The following SMAD2 variants were observed in gnomAD, a reference collection of about 807,000 sequenced individuals.
SMAD2 encodes SMAD family member 2.
Under a neutral mutation model 64.4 loss-of-function variants are expected in SMAD2, and 8 were observed. The observed-to-expected ratio is 0.12, with a 90% CI of 0.07 to 0.22. The LOEUF (loss-of-function observed/expected upper bound fraction) is 0.22, where lower values mean the gene tolerates loss of function less well. Among genes scored for constraint, SMAD2 ranks in the 10% least tolerant of loss-of-function variants. The pLI is 1.00. For synonymous variants in SMAD2, 203 were observed against 195.8 expected (o/e 1.04, Z -0.31); for missense variants, 289 against 561.2 (o/e 0.51, Z 4.90).
Position 47,840,740 on chromosome 18 carries a change from CAGA to C in SMAD2, c.*1084_*1086del, listed in dbSNP as rs566418721. 4.5e-4 allele frequency: 103 copies of C among 231,370 alleles called. No individual in the cohort carries two copies. The highest frequency in any genetic ancestry group is 7.4e-4 in the Non-Finnish European group (86 of 116,934). The allele number at this position is 231,370 out of a possible 1,614,324, so 14.3% of individuals were successfully genotyped here. ...AAACCAAATCAAACTACTCGAAGAG[CAGA>C]AGGTCTGCTGTTGAAATATTGTAAA... On this transcript the variant is annotated 3_prime_UTR_variant, in exon 11 of 11. Transcript: ENST00000262160.
chr18:47,908,863 G>A (rs937830390), intron 1 of SMAD2, among the ~76,000 whole-genome samples: 1 of 152,168 alleles, frequency 6.6e-6, no homozygotes, highest in Admixed American at 6.5e-5. Flanking sequence ...TTCACCATGT[G>A]TAGTGCAATA....
intron 2 of SMAD2, among the ~76,000 whole-genome samples, chr18:47,881,035 T>C (rs756356874): frequency 1.4e-4 from 21 of 152,190 alleles, no homozygotes; most frequent in Non-Finnish European, 2.9e-4. Context: ...TGGTTTTGTG[T>C]TGGAATTTTA....
At position 47,821,676 on chromosome 18, in the gene SMAD2, A is replaced by G. The variant is rs1025340678; in HGVS notation, c.*20151T>C. ...GCTTCCCATAAGTAAAGGCAGTCAC[A>G]CTGCAAGAGATTTTTCTTTACCATT... On this transcript the variant is annotated 3_prime_UTR_variant, in exon 11 of 11. Coordinates refer to ENST00000262160, the MANE Select transcript of SMAD2 (RefSeq NM_005901.6). 3.3e-5 allele frequency: 5 copies of G among 152,248 alleles called. No homozygotes were observed. Among genetic ancestry groups the G allele is most frequent in the African/African-American group, 1.2e-4 (5 of 41,472 alleles). The allele number at this position is 152,248 out of a possible 1,614,324, so 9.4% of individuals were successfully genotyped here. A position where few individuals can be genotyped will look rare whatever the true frequency, so the allele number is the denominator to read the frequency against.
At chr18:47,889,639 C>T (rs1358992070) in intron 2 of SMAD2, among the ~76,000 whole-genome samples, 1 of 151,982 alleles carries the variant, frequency 6.6e-6, no homozygotes, top group Non-Finnish European at 1.5e-5. Flanking sequence ...GGCATGGTGG[C>T]AGGCGCCTGT....
intron 1 of SMAD2, chr18:47,920,122 C>T (rs747445042): frequency 2.0e-5 from 3 of 152,116 alleles, no homozygotes; most frequent in Non-Finnish European, 4.4e-5. Context: ...GGTTAGGTTC[C>T]AAGTAAGGCC....
At chr18:47,864,214 C>T (rs2031393956) in intron 6 of SMAD2, among the ~76,000 whole-genome samples, 1 of 152,092 alleles carries the variant, frequency 6.6e-6, no homozygotes, top group Non-Finnish European at 1.5e-5. Context: ...TCTGGTACTC[C>T]TAAACACCCA....
rs139116989 is a variant in SMAD2, at chr18:47,879,689, G to A, written c.237-9125C>T. Among the ~76,000 whole-genome samples the A allele has an allele frequency of 4.5e-3, 682 of 151,808 alleles. 5 individuals carry two copies. The highest frequency in any genetic ancestry group is 0.016 in the African/African-American group (651 of 41,410). On this transcript the variant is annotated intron_variant, in intron 2 of 10. Transcript: ENST00000262160. The stretch of plus-strand genomic sequence containing the variant: ...TAGAAATATGATTTCTTTTTTTCTC[G>A]GGTAAACACCTAGAAGTGAAAATCT...
intron 6 of SMAD2, among the ~76,000 whole-genome samples, chr18:47,858,791 A>G (rs537954406): frequency 6.6e-6 from 1 of 152,324 alleles, no homozygotes; most frequent in Admixed American, 6.5e-5. Flanking sequence ...GTAAAAGGCC[A>G]AGAGAGTAAA....
rs1255007587 is a variant in SMAD2 at position 47,817,118 on chromosome 18, G to A, written c.*24709C>T. 1 of 152,172 alleles carries A rather than the reference G, an allele frequency of 6.6e-6. No homozygotes were observed. Among genetic ancestry groups the A allele is most frequent in the African/African-American group, 2.4e-5 (1 of 41,444 alleles). The allele number at this position is 152,172 out of a possible 1,614,324, so 9.4% of individuals were successfully genotyped here. A position where few individuals can be genotyped will look rare whatever the true frequency, so the allele number is the denominator to read the frequency against. ...TTCCCAAATAGAGTTTTCTTTTAGA[G>A]AGCCTCTCTCTGTGTTGACATAAAT... On this transcript the variant is annotated 3_prime_UTR_variant, in exon 11 of 11. Transcript: ENST00000262160.
intron 6 of SMAD2, among the ~76,000 whole-genome samples, chr18:47,862,798 GA>G (rs2144355832): frequency 6.6e-6 from 1 of 152,202 alleles, no homozygotes; most frequent in East Asian, 1.9e-4. Flanking sequence ...CACATCTTAT[GA>G]TCTATTATAT....
At chr18:47,873,617 T>C (rs1224467795) in intron 2 of SMAD2, among the ~76,000 whole-genome samples, 2 of 152,224 alleles carry the variant, frequency 1.3e-5, no homozygotes, top group African/African-American at 4.8e-5. Context: ...CTAATTCCAG[T>C]AATGGCAGAG....
chr18:47,850,445 T>C (rs1217257470), intron 7 of SMAD2, among the ~76,000 whole-genome samples: 1 of 23,154 alleles, frequency 4.3e-5, no homozygotes, highest in African/African-American at 1.8e-4. Flanking sequence ...TTATGTATAA[T>C]ATATATTATA....
chr18:47,857,069 G>T (rs1029282941), intron 6 of SMAD2, among the ~76,000 whole-genome samples: 5 of 151,780 alleles, frequency 3.3e-5, no homozygotes, highest in African/African-American at 9.7e-5. Context: ...GTTTTAGCCG[G>T]GATGGTCTCG....
At chr18:47,870,194 G>T (rs1299511744) in intron 3 of SMAD2, among the ~76,000 whole-genome samples, 1 of 152,050 alleles carries the variant, frequency 6.6e-6, no homozygotes, top group East Asian at 1.9e-4. Context: ...ATTATAATCT[G>T]ATCTCAAGCT....
rs1912374551 is a variant in SMAD2 at position 47,816,520 on chromosome 18, G to A, written c.*25307C>T. The A allele has an allele frequency of 6.6e-6, 1 of 152,174 alleles. No individual in the cohort carries two copies. Among genetic ancestry groups the A allele is most frequent in the African/African-American group, 2.4e-5 (1 of 41,430 alleles). 9.4% of individuals were successfully genotyped at this position (152,174 alleles called of 1,614,324 possible). ...ACGTCCAATATATTTTCTATGTACTGTGAAAGCTTTTGGGAAAATAAAGCA... is the reference window on the plus strand; with the variant it reads ...ACGTCCAATATATTTTCTATGTACTATGAAAGCTTTTGGGAAAATAAAGCA... On this transcript the variant is annotated 3_prime_UTR_variant, in exon 11 of 11. Transcript: ENST00000262160.
At chr18:47,879,268 T>TGC (rs1366924686) in intron 2 of SMAD2, among the ~76,000 whole-genome samples, 2 of 152,222 alleles carry the variant, frequency 1.3e-5, no homozygotes, top group Non-Finnish European at 2.9e-5. Context: ...TTTTCTCAGA[T>TGC]GCATACATTG....
intron 1 of SMAD2, among the ~76,000 whole-genome samples, chr18:47,926,434 A>G (rs893895974): frequency 2.6e-5 from 4 of 152,042 alleles, no homozygotes; most frequent in African/African-American, 4.8e-5. Flanking sequence ...TGTCTTGTAG[A>G]TTATCTCTAT....
rs1912901464 is a variant in SMAD2, at chr18:47,829,443, G to A, written c.*12384C>T. ...TTTACAATGGTCACATACAAATGGG[G>A]AAAGAGTGGATATAAAAAATATGCA... On this transcript the variant is annotated 3_prime_UTR_variant, in exon 11 of 11. Transcript: ENST00000262160. 6.6e-6 allele frequency: 1 copy of A among 150,938 alleles called. No individual in the cohort carries two copies. Among genetic ancestry groups the A allele is most frequent in the Non-Finnish European group, 1.5e-5 (1 of 67,826 alleles). 9.3% of individuals were successfully genotyped at this position (150,938 alleles called of 1,614,324 possible). A position where few individuals can be genotyped will look rare whatever the true frequency, so the allele number is the denominator to read the frequency against.
chr18:47,905,988 G>A (rs756667769), intron 1 of SMAD2, among the ~76,000 whole-genome samples: 1 of 151,912 alleles, frequency 6.6e-6, no homozygotes, highest in Non-Finnish European at 1.5e-5. Flanking sequence ...TGGGCGTGGT[G>A]CCTCCTGTGC....
Sources: gnomAD v4.1 joint callset for allele counts (sites outside exome capture counted in the v4.1 genomes callset) on GRCh38, gnomAD v4.1.1 for gene constraint, MANE v1.5 for transcripts, NCBI Gene and HGNC (gene_info 2026-07-23, HGNC 2026-07-21) for gene names.